Variants in UTRN observed in about 807,000 individuals in gnomAD.
UTRN encodes dystrophin-related protein 1.
In UTRN, 283 loss-of-function variants were observed where a neutral mutation model predicts 463.9. That is an observed-to-expected ratio of 0.61 (90% CI 0.55 to 0.67). The LOEUF (loss-of-function observed/expected upper bound fraction) is 0.67. Ranked by LOEUF, UTRN falls within the 30% of genes least tolerant of loss-of-function variation. The probability of loss-of-function intolerance (pLI) is 0.00; values close to 1 mark genes in which losing one functional copy is unlikely to be tolerated. For synonymous variants in UTRN, 1,442 were observed against 1,431.5 expected (o/e 1.01, Z -0.17); for missense variants, 3,922 against 4,084.3 (o/e 0.96, Z 1.08).
chr6:144,568,705 G>A (rs1800658205), intron 50 of UTRN, among the ~76,000 whole-genome samples: 1 of 152,152 alleles, frequency 6.6e-6, no homozygotes, highest in African/African-American at 2.4e-5. Flanking sequence ...AGGGATGGAG[G>A]TGAGAGTGGA....
chr6:144,660,067 C>T (rs970575937), intron 51 of UTRN: 10 of 365,536 alleles, frequency 2.7e-5, no homozygotes, highest in Admixed American at 7.4e-5. Context: ...CGCAAGCTGC[C>T]GCTGCTGCTG....
At chr6:144,595,158 C>G (rs1803512075) in intron 51 of UTRN, among the ~76,000 whole-genome samples, 1 of 152,132 alleles carries the variant, frequency 6.6e-6, no homozygotes, top group Admixed American at 6.6e-5. Context: ...AGTGACATAT[C>G]AGTCCTCAGT....
At chr6:144,772,114 A>T (rs1281411630) in intron 59 of UTRN, 146 bp downstream of exon 59, 3 of 474,436 alleles carry the variant, frequency 6.3e-6, no homozygotes, top group African/African-American at 2.3e-5. Flanking sequence ...GCTCACTGCA[A>T]CCTCTGCCTC....
intron 54 of UTRN, among the ~76,000 whole-genome samples, chr6:144,736,961 G>A (rs1586301077): frequency 6.6e-6 from 1 of 152,152 alleles, no homozygotes; most frequent in African/African-American, 2.4e-5. Context: ...CATCCTGCCG[G>A]CTCTGCTGGG....
intron 53 of UTRN, among the ~76,000 whole-genome samples, chr6:144,715,489 C>T (rs1455836449): frequency 6.6e-6 from 1 of 152,132 alleles, no homozygotes; most frequent in Non-Finnish European, 1.5e-5. Flanking sequence ...ATCTGACCTA[C>T]CCCCTACTCA....
At chr6:144,811,939 G>C (rs770946577) in intron 65 of UTRN, among the ~76,000 whole-genome samples, 1 of 152,080 alleles carries the variant, frequency 6.6e-6, no homozygotes, top group Non-Finnish European at 1.5e-5. Context: ...TTCTGTTTGC[G>C]TGCCAAGTGA....
Position 144,700,105 on chromosome 6 carries a change from C to T in UTRN, c.7671C>T (p.Ser2557=), listed in dbSNP as rs141066433. The T allele has an allele frequency of 5.6e-4, 907 of 1,607,448 alleles. 6 individuals carry two copies. The African/African-American group carries it at 9.3e-3, about 17-fold the overall frequency. Residue 2557 remains serine (S), a synonymous_variant, in exon 53 of 75, where the codon AGC becomes AGT. Coordinates refer to ENST00000367545, the MANE Select transcript of UTRN (RefSeq NM_007124.3). The part of the protein sequence containing the change: ...SASIRAHLEA[S]AEKWNRLLMS... Reference sequence around the variant, plus strand: ...TCAACAGGGCCCATTTGGAGGCCAGCGCTGAGAAGTGGAACAGGTTGCTGA... The same window carrying T: ...TCAACAGGGCCCATTTGGAGGCCAGTGCTGAGAAGTGGAACAGGTTGCTGA...
At chr6:144,567,879 A>G (rs1225760061) in intron 50 of UTRN, among the ~76,000 whole-genome samples, 2 of 152,118 alleles carry the variant, frequency 1.3e-5, no homozygotes, top group Non-Finnish European at 2.9e-5. Context: ...ATGTTCAAAT[A>G]CTCTTTTGAC....
At chr6:144,592,328 T>C (rs1803166493) in intron 51 of UTRN, among the ~76,000 whole-genome samples, 2 of 152,194 alleles carry the variant, frequency 1.3e-5, no homozygotes, top group African/African-American at 4.8e-5. Flanking sequence ...ATAGCATAAC[T>C]GGACCAAAAG....
At chr6:144,454,601 C>T (rs1788640919) in intron 19 of UTRN, among the ~76,000 whole-genome samples, 1 of 152,068 alleles carries the variant, frequency 6.6e-6, no homozygotes, top group East Asian at 1.9e-4. Context: ...ATTAGTTTGA[C>T]AAGAATCTTA....
chr6:144,482,443 T>TATTATTATTA lies in UTRN; in HGVS notation c.3687+55_3687+56insATTATTATTA. On this transcript the variant is annotated intron_variant, in intron 27 of 74. Coordinates refer to ENST00000367545, the MANE Select transcript of UTRN (RefSeq NM_007124.3). The stretch of plus-strand genomic sequence containing the variant: ...TTATTATTATTATTATTATTATTAT[T>TATTATTATTA]TTCAGTGATGTATTTCTGAGATCCA... 7 of 1,124,922 alleles carry TATTATTATTA rather than the reference T, an allele frequency of 6.2e-6. No individual in the cohort carries two copies. The African/African-American group carries it at 1.0e-4, about 16-fold the overall frequency. 69.7% of individuals were successfully genotyped at this position (1,124,922 alleles called of 1,614,324 possible).
intron 2 of UTRN, among the ~76,000 whole-genome samples, chr6:144,335,074 C>T (rs906971277): frequency 2.0e-5 from 3 of 152,176 alleles, no homozygotes; most frequent in South Asian, 2.1e-4. Context: ...CAGAAAGTTA[C>T]GGTAGTCTAA....
chr6:144,434,060 G>A (rs1032104186), intron 9 of UTRN, among the ~76,000 whole-genome samples: 4 of 152,246 alleles, frequency 2.6e-5, no homozygotes, highest in Admixed American at 6.5e-5. Context: ...ACCATTGAGC[G>A]CTGAGTGAAC....
chr6:144,533,364 A>G, intron 43 of UTRN, 104 bp downstream of exon 43: 1 of 1,492,190 alleles, frequency 6.7e-7, no homozygotes, highest in African/African-American at 1.4e-5. Context: ...ACATTATAAT[A>G]GGAATTTTAC....
intron 43 of UTRN, among the ~76,000 whole-genome samples, chr6:144,535,032 G>A (rs1285521058): frequency 6.6e-6 from 1 of 152,190 alleles, no homozygotes; most frequent in Non-Finnish European, 1.5e-5. Flanking sequence ...TATATGTCAT[G>A]CTATTCAGTT....
intron 56 of UTRN, 101 bp downstream of exon 56, chr6:144,752,053 A>T: frequency 3.3e-6 from 4 of 1,194,116 alleles, no homozygotes; most frequent in Non-Finnish European, 3.3e-6. Context: ...TTCTTTGCTG[A>T]TGGTATTTGA....
At chr6:144,522,702 A>G (rs1025120589) in intron 40 of UTRN, among the ~76,000 whole-genome samples, 3 of 152,222 alleles carry the variant, frequency 2.0e-5, no homozygotes, top group Admixed American at 2.0e-4. Flanking sequence ...ATTTGAAAAT[A>G]TCACTATTTC....
chr6:144,680,662 G>A (rs1409793957), intron 52 of UTRN, among the ~76,000 whole-genome samples: 1 of 152,080 alleles, frequency 6.6e-6, no homozygotes, highest in Non-Finnish European at 1.5e-5. Flanking sequence ...TTAAGGTAGG[G>A]CCCAAAGCAG....
In UTRN at chr6:144,836,363, G is replaced by A. The variant is rs1337263024; in HGVS notation, c.9887G>A (p.Gly3296Asp). The A allele has an allele frequency of 1.9e-6, 3 of 1,614,114 alleles. No homozygotes were observed. The highest frequency in any genetic ancestry group is 2.5e-6 in the Non-Finnish European group (3 of 1,179,990). The change falls in exon 71 of 75, where the codon GGT becomes GAT. Residue 3296 changes from glycine (G) to aspartate (D), a missense_variant. Gly to Asp is a moderately conservative substitution (Grantham distance 94). Coordinates refer to ENST00000367545, the MANE Select transcript of UTRN (RefSeq NM_007124.3). Reference sequence around the variant, plus strand: ...CACCTCCGAAGGGGGCTCCCTGTCGGTTCACCGCCAGAGTCGATTATATCT... The same window carrying A: ...CACCTCCGAAGGGGGCTCCCTGTCGATTCACCGCCAGAGTCGATTATATCT... ...DQHLRRGLPV[G>D]SPPESIISPH...
Sources: allele counts gnomAD v4.1 joint callset (sites outside exome capture counted in the v4.1 genomes callset), GRCh38; gene constraint gnomAD v4.1.1; transcripts MANE v1.5; gene names NCBI Gene and HGNC (gene_info 2026-07-23, HGNC 2026-07-21).